HS6ST3: variants seen among roughly 807,000 people sequenced by gnomAD.
The protein encoded by HS6ST3 is heparan sulfate 6-O-sulfotransferase 3, also known as heparan-sulfate 6-O-sulfotransferase 3.
A neutral mutation model predicts 36.7 loss-of-function variants in HS6ST3; 12 were observed. The ratio of observed to expected loss-of-function variants is 0.33; its 90% CI spans 0.21 to 0.53. The LOEUF is 0.53. Among genes scored for constraint, HS6ST3 ranks in the 20% least tolerant of loss-of-function variants. The pLI, the probability that HS6ST3 is intolerant of heterozygous loss-of-function variation, is 0.95. For missense variants in HS6ST3, 584 were observed against 640.9 expected, an observed-to-expected ratio of 0.91 and a Z score of 0.96; for synonymous variants, 240 against 257.5, an observed-to-expected ratio of 0.93 and a Z score of 0.65.
intron 1 of HS6ST3, among the ~76,000 whole-genome samples, chr13:96,433,371 C>G (rs1471402400): frequency 6.6e-6 from 1 of 152,128 alleles, no homozygotes; most frequent in Non-Finnish European, 1.5e-5. Context: ...CAAATCTCAC[C>G]TTGAATTGTA....
At chr13:96,155,469 G>A (rs2054105948) in intron 1 of HS6ST3, among the ~76,000 whole-genome samples, 1 of 152,182 alleles carries the variant, frequency 6.6e-6, no homozygotes, top group Non-Finnish European at 1.5e-5. Context: ...AGCCCTAGAT[G>A]TGGCACTAGG....
chr13:96,326,767 A>G (rs1003882259), intron 1 of HS6ST3, among the ~76,000 whole-genome samples: 3 of 151,952 alleles, frequency 2.0e-5, no homozygotes, highest in Non-Finnish European at 4.4e-5. Flanking sequence ...GTCTTCCACA[A>G]TGGTTGAACT....
intron 1 of HS6ST3, among the ~76,000 whole-genome samples, chr13:96,105,273 A>G (rs1190286727): frequency 6.6e-6 from 1 of 152,024 alleles, no homozygotes; most frequent in Non-Finnish European, 1.5e-5. Context: ...AAGACATGGA[A>G]GTAGGAGGAG....
chr13:96,680,261 C>T (rs376628147), intron 1 of HS6ST3, among the ~76,000 whole-genome samples: 39 of 152,210 alleles, frequency 2.6e-4, no homozygotes, highest in African/African-American at 7.2e-4. Context: ...GTCACACCAC[C>T]ATGCCATCAC....
chr13:96,799,761 C>A (rs1215240329), intron 1 of HS6ST3, among the ~76,000 whole-genome samples: 8 of 147,864 alleles, frequency 5.4e-5, no homozygotes, highest in Non-Finnish European at 8.9e-5. Context: ...TGCACATGTA[C>A]CCTAAAACTT....
intron 1 of HS6ST3, among the ~76,000 whole-genome samples, chr13:96,454,510 A>C (rs888764366): frequency 1.3e-4 from 20 of 152,184 alleles, no homozygotes; most frequent in African/African-American, 4.8e-4. Flanking sequence ...CATAATACTA[A>C]CTATATGTCA....
intron 1 of HS6ST3, among the ~76,000 whole-genome samples, chr13:96,246,979 A>AATAGAGG: frequency 1.3e-5 from 2 of 152,326 alleles, no homozygotes; most frequent in African/African-American, 4.8e-5. Flanking sequence ...AATTAAAAAA[A>AATAGAGG]ATAGAGGAAA....
chr13:96,556,869 A>G (rs1197222527), intron 1 of HS6ST3, among the ~76,000 whole-genome samples: 1 of 152,190 alleles, frequency 6.6e-6, no homozygotes, highest in East Asian at 1.9e-4. Flanking sequence ...CAATGCTACA[A>G]GTGACATTAA....
intron 1 of HS6ST3, among the ~76,000 whole-genome samples, chr13:96,532,519 A>G (rs2056139722): frequency 6.6e-6 from 1 of 152,214 alleles, no homozygotes; most frequent in African/African-American, 2.4e-5. Flanking sequence ...TGTTGATAGA[A>G]GCCCAAGATA....
intron 1 of HS6ST3, among the ~76,000 whole-genome samples, chr13:96,175,631 G>A (rs1055137254): frequency 2.1e-5 from 3 of 141,310 alleles, no homozygotes; most frequent in African/African-American, 7.9e-5. Flanking sequence ...ACCTTTTTGT[G>A]TATTATTTTA....
chr13:96,400,155 TCACA>T (rs55957302), intron 1 of HS6ST3, among the ~76,000 whole-genome samples: 41 of 145,460 alleles, frequency 2.8e-4, no homozygotes, highest in South Asian at 6.7e-4. Flanking sequence ...AGTGCTGAAA[TCACA>T]CACACACACA....
chr13:96,789,492 G>C (rs765215662), intron 1 of HS6ST3, among the ~76,000 whole-genome samples: 4 of 151,808 alleles, frequency 2.6e-5, no homozygotes, highest in Non-Finnish European at 5.9e-5. Flanking sequence ...TATTAACCAG[G>C]TTATCTGCCA....
chr13:96,521,519 C>T (rs947231365), intron 1 of HS6ST3, among the ~76,000 whole-genome samples: 11 of 152,244 alleles, frequency 7.2e-5, no homozygotes, highest in Non-Finnish European at 1.3e-4. Context: ...ATTATTGCCT[C>T]AATTTCAGAA....
intron 1 of HS6ST3, among the ~76,000 whole-genome samples, chr13:96,754,099 G>C (rs972706274): frequency 6.6e-6 from 1 of 152,130 alleles, no homozygotes; most frequent in Admixed American, 6.5e-5. Context: ...GATTACAGGC[G>C]TGAGCCACTG....
intron 1 of HS6ST3, among the ~76,000 whole-genome samples, chr13:96,171,245 C>T (rs2054186288): frequency 6.6e-6 from 1 of 152,128 alleles, no homozygotes; most frequent in African/African-American, 2.4e-5. Flanking sequence ...TCTGAATTTC[C>T]ATGCATTTAT....
intron 1 of HS6ST3, among the ~76,000 whole-genome samples, chr13:96,320,659 G>T (rs139727521): frequency 8.4e-4 from 128 of 152,298 alleles, no homozygotes; most frequent in African/African-American, 3.0e-3. Context: ...ATTTGAGATG[G>T]CATTTCAGCT....
intron 1 of HS6ST3, among the ~76,000 whole-genome samples, chr13:96,750,499 T>C (rs879766604): frequency 6.6e-6 from 1 of 152,240 alleles, no homozygotes; most frequent in Non-Finnish European, 1.5e-5. Context: ...TGATAACTCT[T>C]TCATTAATCA....
intron 1 of HS6ST3, among the ~76,000 whole-genome samples, chr13:96,608,063 A>G (rs959309633): frequency 6.6e-6 from 1 of 152,200 alleles, no homozygotes; most frequent in Non-Finnish European, 1.5e-5. Flanking sequence ...TGATAATTGC[A>G]GTAGATTGAA....
chr13:96,511,550 G>A lies in HS6ST3; in HGVS notation c.708-320940G>A, dbSNP rs534882832. Among the ~76,000 whole-genome samples the A allele has an allele frequency of 2.0e-5, 3 of 151,758 alleles. No homozygotes were observed. In the South Asian group the frequency reaches 6.3e-4, roughly 32 times the overall value. On this transcript the variant is annotated intron_variant, in intron 1 of 1. Coordinates refer to ENST00000376705, the MANE Select transcript of HS6ST3 (RefSeq NM_153456.4). Reference sequence around the variant, plus strand: ...TCTTCCTTCATTGAATTGCCTACATGTATACTTAGCCCATTTTTAAAATTC... The same window carrying A: ...TCTTCCTTCATTGAATTGCCTACATATATACTTAGCCCATTTTTAAAATTC...
Sources: gnomAD v4.1 joint callset for allele counts (sites outside exome capture counted in the v4.1 genomes callset) on GRCh38, gnomAD v4.1.1 for gene constraint, MANE v1.5 for transcripts, NCBI Gene and HGNC (gene_info 2026-07-23, HGNC 2026-07-21) for gene names.